Variants in MVP observed in about 807,000 individuals in gnomAD.
MVP encodes the protein major vault protein, also known as lung resistance-related protein.
In MVP, 62 loss-of-function variants were observed where a neutral mutation model predicts 83.5. That is an observed-to-expected ratio of 0.74 (90% confidence interval 0.61 to 0.92). The LOEUF (loss-of-function observed/expected upper bound fraction) is 0.92. MVP is among the 40% of genes least tolerant of loss of function. MVP has a pLI of 0.00. For missense variants in MVP, 1,000 were observed against 1,203.4 expected, an observed-to-expected ratio of 0.83 and a Z score of 2.50; for synonymous variants, 505 against 504.1, an observed-to-expected ratio of 1.00 and a Z score of -0.02.
intron 2 of MVP, 102 bp downstream of exon 2, chr16:29,830,776 G>T: frequency 6.4e-7 from 1 of 1,570,604 alleles, no homozygotes; most frequent in Non-Finnish European, 8.7e-7. Flanking sequence ...AGCAGGAGTG[G>T]CCCTCGCTTG....
At chr16:29,830,835 G>C in intron 2 of MVP, 43 bp from the exon 3 acceptor site, 8 of 1,592,394 alleles carry the variant, frequency 5.0e-6, no homozygotes, top group Non-Finnish European at 6.9e-6. Context: ...TGGTAGTGGA[G>C]ACCTGGTCCC....
At chr16:29,826,688 C>T (rs1288189301) in intron 1 of MVP, among the ~76,000 whole-genome samples, 2 of 150,854 alleles carry the variant, frequency 1.3e-5, no homozygotes, top group Non-Finnish European at 2.9e-5. Flanking sequence ...TTTGGGAGGC[C>T]GAGGCGGGTG....
chr16:29,836,052 G>A (rs1002857465), intron 6 of MVP, among the ~76,000 whole-genome samples: 5 of 151,694 alleles, frequency 3.3e-5, no homozygotes, highest in Non-Finnish European at 5.9e-5. Flanking sequence ...GATCACTTGA[G>A]GCCAGGAGTC....
intron 1 of MVP, among the ~76,000 whole-genome samples, chr16:29,826,360 C>A (rs191526511): frequency 4.6e-5 from 7 of 152,124 alleles, no homozygotes; most frequent in African/African-American, 1.7e-4. Flanking sequence ...TGGCTGGGTG[C>A]GGTGGCTCCA....
intron 6 of MVP, among the ~76,000 whole-genome samples, chr16:29,836,029 G>A (rs1226003096): frequency 1.3e-5 from 2 of 152,100 alleles, no homozygotes; most frequent in African/African-American, 2.4e-5. Context: ...AATTTGGAAG[G>A]CTGAGGCAGG....
In MVP at chr16:29,844,859, C is replaced by G; in HGVS notation, c.2001C>G (p.Asn667Lys). The change falls in exon 11 of 15, where the codon AAC (asparagine) becomes AAG (lysine). Residue 667 changes from asparagine (N) to lysine (K), a missense_variant. Physicochemically the swap from Asn to Lys is moderately conservative, Grantham distance 94. Transcript: ENST00000357402. ...AGCTGGCCATCGAGATCACCACCAACTCCCAGGAAGCGGCGGCCAAGTAAG... is the reference window on the plus strand; with the variant it reads ...AGCTGGCCATCGAGATCACCACCAAGTCCCAGGAAGCGGCGGCCAAGTAAG... ...SVQLAIEITTNSQEAAAKHEA... is the reference protein window; with the variant it reads ...SVQLAIEITTKSQEAAAKHEA... 1.2e-6 allele frequency: 2 copies of G among 1,602,622 alleles called. No individual in the cohort carries two copies. The highest frequency in any genetic ancestry group is 2.2e-5 in the South Asian group (2 of 90,990).
intron 10 of MVP, among the ~76,000 whole-genome samples, 191 bp from the exon 11 acceptor site, chr16:29,844,302 C>A (rs1435150064): frequency 6.6e-6 from 1 of 152,072 alleles, no homozygotes. Flanking sequence ...TGTTGAAGTT[C>A]TTCTCGGAGA....
chr16:29,842,806 G>A (rs2150759408), intron 10 of MVP, among the ~76,000 whole-genome samples: 1 of 152,302 alleles, frequency 6.6e-6, no homozygotes, highest in East Asian at 1.9e-4. Flanking sequence ...GAAGGCGTGG[G>A]CTCACCTCCT....
intron 14 of MVP, 131 bp downstream of exon 14, chr16:29,847,516 G>C: frequency 3.1e-6 from 3 of 954,254 alleles, no homozygotes; most frequent in Non-Finnish European, 4.6e-6. Flanking sequence ...CCACGATGCA[G>C]GGACATTCAC....
chr16:29,842,461 A>G, intron 10 of MVP, among the ~76,000 whole-genome samples: 1 of 152,040 alleles, frequency 6.6e-6, no homozygotes, highest in South Asian at 2.1e-4. Context: ...ATGTGCCACC[A>G]TGCCCAGCTA....
intron 1 of MVP, among the ~76,000 whole-genome samples, chr16:29,824,703 A>G (rs1336830459): frequency 1.3e-5 from 2 of 152,174 alleles, no homozygotes; most frequent in Non-Finnish European, 2.9e-5. Flanking sequence ...TGGACGTTGC[A>G]GTGAGCCGAG....
At chr16:29,837,683 G>A (rs906829645) in intron 7 of MVP, among the ~76,000 whole-genome samples, 1 of 151,922 alleles carries the variant, frequency 6.6e-6, no homozygotes, top group African/African-American at 2.4e-5. Context: ...GAACCCTGGA[G>A]ATCAAGCCTG....
At chr16:29,829,000 C>A (rs2067422341) in intron 1 of MVP, among the ~76,000 whole-genome samples, 1 of 151,944 alleles carries the variant, frequency 6.6e-6, no homozygotes, top group Non-Finnish European at 1.5e-5. Flanking sequence ...CCAGGCCACT[C>A]CCTTCTTCCC....
At chr16:29,847,476 T>A (rs2067595232) in intron 14 of MVP, 91 bp downstream of exon 14, 2 of 1,337,216 alleles carry the variant, frequency 1.5e-6, no homozygotes, top group South Asian at 3.0e-5. Context: ...CTGGAAAGAT[T>A]GTGGGGAAGG....
At position 29,841,499 on chromosome 16, in the gene MVP, C is replaced by T. The variant is rs1013366743; in HGVS notation, c.1192-97C>T. ...GTAGAGAAGGTGTTTAACCTCGTGGCGCGCCTTCCCTGGATGGGCTCTGCT... is the reference window on the plus strand; with the variant it reads ...GTAGAGAAGGTGTTTAACCTCGTGGTGCGCCTTCCCTGGATGGGCTCTGCT... On this transcript the variant is annotated intron_variant, in intron 8 of 14. Transcript: ENST00000357402. This position sits in a 1 kb window ranked among gnomAD's most constrained non-coding sequence, Gnocchi z 4.7. 118 of 1,446,588 alleles carry T rather than the reference C, an allele frequency of 8.2e-5. 1 individual carries two copies. The Middle Eastern group carries it at 3.4e-3, about 42-fold the overall frequency. The allele number at this position is 1,446,588 out of a possible 1,614,324, so 89.6% of individuals were successfully genotyped here.
In MVP at chr16:29,844,513, G is replaced by A. The variant is rs184844945; in HGVS notation, c.1655G>A (p.Arg552Gln). The stretch of plus-strand genomic sequence containing the variant: ...CACAGGCACTTTGAGGTGAATGACC[G>A]GAAGGACCCCCAAGAGACGGCCAAG... ...AYNWHFEVND[R>Q]KDPQETAKLF... Residue 552 changes from arginine (R) to glutamine (Q), a missense_variant, in exon 11 of 15, where the codon CGG becomes CAG. Coordinates refer to ENST00000357402, the MANE Select transcript of MVP (RefSeq NM_005115.5). 4.7e-5 allele frequency: 72 copies of A among 1,544,580 alleles called. 1 individual carries two copies. In the Admixed American group the frequency reaches 9.7e-4, roughly 21 times the overall value.
At chr16:29,846,129 G>T (rs759871692) in intron 12 of MVP, 29 bp from the exon 13 acceptor site, 43 of 1,603,930 alleles carry the variant, frequency 2.7e-5, no homozygotes, top group Non-Finnish European at 3.7e-5. Flanking sequence ...CTGTCTCCCG[G>T]GTCTTACCTG....
intron 12 of MVP, 60 bp downstream of exon 12, chr16:29,846,039 G>A: frequency 3.1e-6 from 5 of 1,612,054 alleles, no homozygotes; most frequent in South Asian, 1.1e-5. Flanking sequence ...ACAGCAGCTG[G>A]TGTGGGCAGC....
chr16:29,830,894 A>G lies in MVP; in HGVS notation c.142A>G (p.Met48Val). 1 of 1,612,244 alleles carries G rather than the reference A, an allele frequency of 6.2e-7. No individual in the cohort carries two copies. Among genetic ancestry groups the G allele is most frequent in the Non-Finnish European group, 8.5e-7 (1 of 1,178,828 alleles). The stretch of plus-strand genomic sequence containing the variant: ...TTCCTGCAGGGTACTGTTTGCCCCC[A>G]TGCGCATGGTGACCGTCCCCCCACG... ...QDNERVLFAP[M>V]RMVTVPPRHY... Residue 48 changes from methionine to valine, a missense_variant, in exon 3 of 15, where the codon ATG becomes GTG. Coordinates refer to ENST00000357402, the MANE Select transcript of MVP (RefSeq NM_005115.5).
Sources: gnomAD v4.1 joint callset for allele counts (sites outside exome capture counted in the v4.1 genomes callset) on GRCh38, gnomAD v4.1.1 for gene constraint, Gnocchi (gnomAD v3.1) non-coding constraint, MANE v1.5 for transcripts, NCBI Gene and HGNC (gene_info 2026-07-23, HGNC 2026-07-21) for gene names.